The following KIAA1328 variants were observed in gnomAD, a reference collection of about 807,000 sequenced individuals.
KIAA1328 encodes protein hinderin.
Under a neutral mutation model 68.1 loss-of-function variants are expected in KIAA1328, and 52 were observed. That is an observed-to-expected ratio of 0.76 (90% confidence interval 0.61 to 0.96). KIAA1328 has a LOEUF of 0.96. Ranked by LOEUF, KIAA1328 falls within the 40% of genes least tolerant of loss-of-function variation. The pLI is 0.00. For missense variants in KIAA1328, 641 were observed against 677.6 expected (o/e 0.95, Z 0.60); for synonymous variants, 232 against 239.4 (o/e 0.97, Z 0.28).
At chr18:36,920,277 G>A (rs550158421) in intron 5 of KIAA1328, among the ~76,000 whole-genome samples, 39 of 152,300 alleles carry the variant, frequency 2.6e-4, no homozygotes, top group African/African-American at 8.7e-4. Context: ...TGGCTAGGCA[G>A]TTATCCCAAC....
At chr18:37,071,265 G>T (rs369654929) in intron 7 of KIAA1328, among the ~76,000 whole-genome samples, 46 of 151,364 alleles carry the variant, frequency 3.0e-4, no homozygotes, top group African/African-American at 9.4e-4. Context: ...TAGAGATAGG[G>T]TTTTGCCATT....
chr18:37,206,930 G>A (rs1400644377), intron 9 of KIAA1328, among the ~76,000 whole-genome samples: 1 of 152,242 alleles, frequency 6.6e-6, no homozygotes, highest in East Asian at 1.9e-4. Context: ...TGACCTTTGA[G>A]TACAATGCTG....
At chr18:36,921,555 C>G (rs2049924326) in intron 5 of KIAA1328, among the ~76,000 whole-genome samples, 1 of 151,916 alleles carries the variant, frequency 6.6e-6, no homozygotes, top group African/African-American at 2.4e-5. Flanking sequence ...AGGCGCCCAC[C>G]ACCACACCGA....
At chr18:36,888,119 C>T (rs1342123817) in intron 5 of KIAA1328, among the ~76,000 whole-genome samples, 1 of 152,002 alleles carries the variant, frequency 6.6e-6, no homozygotes, top group Non-Finnish European at 1.5e-5. Flanking sequence ...TATTATGATA[C>T]CTAGGTGATT....
chr18:37,075,074 G>T (rs2056670515), intron 7 of KIAA1328: 1 of 151,920 alleles, frequency 6.6e-6, no homozygotes, highest in Non-Finnish European at 1.5e-5. Flanking sequence ...GTTAAGGGCA[G>T]CCAGAGAGAA....
intron 7 of KIAA1328, among the ~76,000 whole-genome samples, chr18:37,114,765 C>G (rs2058052069): frequency 6.6e-6 from 1 of 152,026 alleles, no homozygotes; most frequent in African/African-American, 2.4e-5. Context: ...TGATAGACCA[C>G]TAGCAAGACT....
At chr18:37,042,728 T>A (rs1255886770) in intron 6 of KIAA1328, among the ~76,000 whole-genome samples, 3 of 151,312 alleles carry the variant, frequency 2.0e-5, no homozygotes, top group Non-Finnish European at 4.4e-5. Flanking sequence ...CTCTTTGTGT[T>A]TATCCTACTT....
intron 4 of KIAA1328, among the ~76,000 whole-genome samples, chr18:36,864,837 G>A (rs1601044177): frequency 6.6e-6 from 1 of 151,846 alleles, no homozygotes; most frequent in East Asian, 1.9e-4. Flanking sequence ...TTGAGCTTTG[G>A]GAGCTTGTGG....
rs571168694 is a variant in KIAA1328, at chr18:37,137,982, C to T, written c.1233-22218C>T. On this transcript the variant is annotated intron_variant, in intron 7 of 9. Transcript: ENST00000280020. ...TTATCTCTACCCCGCCCCTGACCTA[C>T]TTTTTCTCTATAATTCTCAGCAATT... Among the ~76,000 whole-genome samples the T allele has an allele frequency of 3.3e-5, 5 of 152,274 alleles. No individual in the cohort carries two copies. In the East Asian group the frequency reaches 7.7e-4, roughly 24 times the overall value.
chr18:37,176,147 T>C (rs1367075129), intron 9 of KIAA1328, among the ~76,000 whole-genome samples: 1 of 152,220 alleles, frequency 6.6e-6, no homozygotes, highest in Non-Finnish European at 1.5e-5. Flanking sequence ...AAGGACAACC[T>C]CTCCTACAGC....
At chr18:37,009,871 C>G (rs755296201) in intron 6 of KIAA1328, among the ~76,000 whole-genome samples, 5 of 152,122 alleles carry the variant, frequency 3.3e-5, no homozygotes, top group Non-Finnish European at 7.4e-5. Context: ...ATACCTGTAC[C>G]TAATTTGTTT....
chr18:37,023,443 T>C (rs1238340341), intron 6 of KIAA1328, among the ~76,000 whole-genome samples: 1 of 152,108 alleles, frequency 6.6e-6, no homozygotes, highest in Non-Finnish European at 1.5e-5. Context: ...CTTTTCTGTA[T>C]TGCAAATGTA....
intron 6 of KIAA1328, among the ~76,000 whole-genome samples, chr18:37,025,024 T>G (rs2054511614): frequency 6.6e-6 from 1 of 152,116 alleles, no homozygotes. Context: ...TTTCTCCATA[T>G]CCTCTCCAGC....
At chr18:36,917,987 GT>G (rs986961474) in intron 5 of KIAA1328, among the ~76,000 whole-genome samples, 1 of 150,742 alleles carries the variant, frequency 6.6e-6, no homozygotes, top group African/African-American at 2.4e-5. Context: ...TTTTGTTTTT[GT>G]TTTTTTTAAG....
At chr18:37,143,521 C>CTTTCTTTTTTTTTTTT (rs2058822378) in intron 7 of KIAA1328, among the ~76,000 whole-genome samples, 1 of 90,776 alleles carries the variant, frequency 1.1e-5, no homozygotes, top group Non-Finnish European at 2.0e-5. Context: ...TTTTTTCTTT[C>CTTTCTTTTTTTTTTTT]TTTTTTTTTT....
chr18:37,167,165 G>A (rs1337231418), intron 8 of KIAA1328, among the ~76,000 whole-genome samples: 1 of 152,180 alleles, frequency 6.6e-6, no homozygotes, highest in Non-Finnish European at 1.5e-5. Flanking sequence ...ATGCAGATGG[G>A]CAGGTTGTGG....
intron 4 of KIAA1328, among the ~76,000 whole-genome samples, chr18:36,865,148 TTTTTCAATGTAAGCATTTAATGC>T (rs1005427344): frequency 6.6e-6 from 1 of 152,110 alleles, no homozygotes; most frequent in African/African-American, 2.4e-5. Flanking sequence ...GAGATCATTC[TTTTTCAATGTAAGCATTTAATGC>T]TATATACCTT....
At chr18:37,137,806 A>G (rs1375948509) in intron 7 of KIAA1328, among the ~76,000 whole-genome samples, 3 of 152,068 alleles carry the variant, frequency 2.0e-5, no homozygotes, top group Non-Finnish European at 4.4e-5. Context: ...TGGCTAGATC[A>G]TATCTCTATG....
At position 36,839,893 on chromosome 18, in the gene KIAA1328, G is replaced by A. The variant is rs541070702; in HGVS notation, c.238-4315G>A. Among the ~76,000 whole-genome samples the A allele has an allele frequency of 1.2e-4, 19 of 152,194 alleles. No individual in the cohort carries two copies. The East Asian group carries it at 3.7e-3, about 29-fold the overall frequency. On this transcript the variant is annotated intron_variant, in intron 3 of 9. Transcript: ENST00000280020. ...ATTAGCTACAGAAATTGTTTCCACT[G>A]TTCATTTTGGGCTCTTTCCCCGGGA...
Sources: gnomAD v4.1 joint callset for allele counts (sites outside exome capture counted in the v4.1 genomes callset) on GRCh38, gnomAD v4.1.1 for gene constraint, MANE v1.5 for transcripts, NCBI Gene and HGNC (gene_info 2026-07-23, HGNC 2026-07-21) for gene names.